Variants in GLI3 observed in about 807,000 individuals in gnomAD.
GLI3 encodes GLI family zinc finger 3.
A neutral mutation model predicts 100.8 loss-of-function variants in GLI3; 20 were observed. That is an observed-to-expected ratio of 0.20 (90% confidence interval 0.14 to 0.29). GLI3 has a LOEUF of 0.29. GLI3 is among the 10% of genes least tolerant of loss of function. The probability of loss-of-function intolerance (pLI) is 1.00; values close to 1 mark genes in which losing one functional copy is unlikely to be tolerated. For synonymous variants in GLI3, 938 were observed against 860.5 expected (o/e 1.09, Z -1.58); for missense variants, 2,040 against 2,128.5 (o/e 0.96, Z 0.82).
intron 2 of GLI3, among the ~76,000 whole-genome samples, chr7:42,162,560 C>G (rs2128794209): frequency 6.6e-6 from 1 of 152,230 alleles, no homozygotes; most frequent in East Asian, 1.9e-4. Context: ...TTGTCTGGGC[C>G]AGTTCTACGA....
At chr7:41,983,966 C>A (rs1014868131) in intron 10 of GLI3, among the ~76,000 whole-genome samples, 1 of 152,148 alleles carries the variant, frequency 6.6e-6, no homozygotes, top group African/African-American at 2.4e-5. Context: ...AAATGAGCCA[C>A]GACTCAGTAT....
intron 2 of GLI3, among the ~76,000 whole-genome samples, chr7:42,157,141 C>T (rs1265543338): frequency 6.6e-6 from 1 of 152,232 alleles, no homozygotes; most frequent in Non-Finnish European, 1.5e-5. Context: ...GGCTCACCTA[C>T]ACTCAATCAG....
intron 3 of GLI3, among the ~76,000 whole-genome samples, chr7:42,107,142 C>A (rs1041875152): frequency 2.6e-5 from 4 of 151,896 alleles, no homozygotes; most frequent in African/African-American, 9.7e-5. Context: ...ACAGCAAGAC[C>A]CTGTCTCTGC....
intron 1 of GLI3, among the ~76,000 whole-genome samples, chr7:42,256,542 C>T (rs1387701425): frequency 2.0e-5 from 3 of 152,136 alleles, no homozygotes; most frequent in Admixed American, 1.3e-4. Context: ...AAAGACTATC[C>T]TTTTCCTTTC....
In GLI3 at chr7:42,010,832, C is replaced by T. The variant is rs377592461; in HGVS notation, c.1497+12636G>A. ...ACTCACTAATGAGTTTAGTGGCCTT[C>T]AATATGTTTTTTAGCCTTGCTAGAC... is the stretch of plus-strand genomic sequence containing the variant. On this transcript the variant is annotated intron_variant, in intron 10 of 14. Transcript: ENST00000395925. Among the ~76,000 whole-genome samples the T allele has an allele frequency of 8.1e-4, 123 of 152,272 alleles. 5 individuals are homozygous for T. The South Asian group carries it at 0.024, about 30-fold the overall frequency.
At chr7:42,064,640 A>C (rs958108245) in intron 4 of GLI3, among the ~76,000 whole-genome samples, 4 of 152,196 alleles carry the variant, frequency 2.6e-5, no homozygotes, top group Admixed American at 1.3e-4. Flanking sequence ...TGCTCAAAGG[A>C]ACTATTCAGC....
rs758757750 is a variant in GLI3 at position 42,025,334 on chromosome 7, G to C, written c.1286C>G (p.Pro429Arg). Residue 429 changes from proline to arginine, a missense_variant, in exon 9 of 15, where the codon CCG becomes CGG. Pro to Arg is a moderately radical substitution (Grantham distance 103, BLOSUM62 -2). Around this residue, in one of 5 missense-constraint regions of GLI3, gnomAD observed 603 missense variants for 690.9 expected, o/e 0.87. Transcript: ENST00000395925. ...SESAVSSTGD[P>R]MHNKRSKIKP... ...GATCTTGGACCTCTTGTTGTGCATC[G>C]GGTCACCAGTGCTGCTCACTGCAGA... 1 of 1,613,886 alleles carries C rather than the reference G, an allele frequency of 6.2e-7. No homozygotes were observed. The highest frequency in any genetic ancestry group is 1.7e-5 in the Admixed American group (1 of 59,994).
chr7:42,205,559 A>G (rs1583646458), intron 2 of GLI3, among the ~76,000 whole-genome samples: 1 of 152,222 alleles, frequency 6.6e-6, no homozygotes, highest in Non-Finnish European at 1.5e-5. Flanking sequence ...CCCACTGTAG[A>G]GAAGCTGGAG....
intron 2 of GLI3, among the ~76,000 whole-genome samples, chr7:42,200,245 T>G (rs144057268): frequency 6.6e-6 from 1 of 152,316 alleles, no homozygotes; most frequent in East Asian, 1.9e-4. Context: ...TTAACAGGAA[T>G]AGTTTGCTCT....
rs3057240 is a variant in GLI3, at chr7:42,101,668, T to TTTTATTTATTTATTTA, written c.368-24827_368-24812dup. The stretch of plus-strand genomic sequence containing the variant: ...TGCTGAATTTCGTTTGCTAGTATCT[T>TTTTATTTATTTATTTA]TTTATTTATTTATTTATTTATTTTA... On this transcript the variant is annotated intron_variant, in intron 3 of 14. Transcript: ENST00000395925. Among the ~76,000 whole-genome samples the TTTTATTTATTTATTTA allele has an allele frequency of 1.9e-3, 287 of 148,058 alleles. 1 individual carries two copies. Among genetic ancestry groups the TTTTATTTATTTATTTA allele is most frequent in the South Asian group, 0.013 (63 of 4,682 alleles).
At chr7:42,160,195 T>C (rs1787099374) in intron 2 of GLI3, among the ~76,000 whole-genome samples, 1 of 152,220 alleles carries the variant, frequency 6.6e-6, no homozygotes, top group African/African-American at 2.4e-5. Context: ...AGCTAGGTAC[T>C]ATCACTAACC....
chr7:42,194,386 C>G (rs2128689696), intron 2 of GLI3, among the ~76,000 whole-genome samples: 1 of 152,314 alleles, frequency 6.6e-6, no homozygotes, highest in South Asian at 2.1e-4. Flanking sequence ...ACTTTTTGCT[C>G]TATCTGCTTT....
rs1255750731 is a variant in GLI3, at chr7:42,048,638, G to T, written c.532C>A (p.Pro178Thr). The T allele has an allele frequency of 6.2e-7, 1 of 1,610,998 alleles. No homozygotes were observed. Among genetic ancestry groups the T allele is most frequent in the Admixed American group, 1.7e-5 (1 of 59,478 alleles). ...YPDLPFIRIS[P>T]HRNPTAASES... ...GAAGCAGCAGTGGGGTTCCGGTGTG[G>T]GGAGATCCTAATGAAGGGCAGGTCC... is the stretch of plus-strand genomic sequence containing the variant. Residue 178 changes from proline (P) to threonine (T), a missense_variant, in exon 5 of 15, where the codon CCA becomes ACA. Transcript: ENST00000395925.
intron 2 of GLI3, among the ~76,000 whole-genome samples, chr7:42,213,392 C>T (rs939442730): frequency 6.6e-6 from 1 of 152,168 alleles, no homozygotes; most frequent in African/African-American, 2.4e-5. Flanking sequence ...TACATTTATT[C>T]CATGGTTGTT....
intron 3 of GLI3, among the ~76,000 whole-genome samples, chr7:42,101,844 C>T (rs1344379563): frequency 4.8e-5 from 5 of 103,334 alleles, no homozygotes; most frequent in East Asian, 2.3e-4. Flanking sequence ...CCCTCTCCCA[C>T]CCCACAACAG....
At chr7:42,156,004 TGA>T (rs1786994339) in intron 2 of GLI3, among the ~76,000 whole-genome samples, 1 of 152,100 alleles carries the variant, frequency 6.6e-6, no homozygotes, top group Non-Finnish European at 1.5e-5. Context: ...TTCTGAACAC[TGA>T]TGACGAGGTC....
intron 12 of GLI3, 59 bp downstream of exon 12, chr7:41,977,499 T>A (rs1583747640): frequency 6.4e-7 from 1 of 1,560,390 alleles, no homozygotes; most frequent in East Asian, 2.2e-5. Flanking sequence ...CCCATGTGCC[T>A]TCCCCGGGAT....
At chr7:42,028,032 G>A (rs569598083) in intron 7 of GLI3, among the ~76,000 whole-genome samples, 2 of 152,284 alleles carry the variant, frequency 1.3e-5, no homozygotes, top group African/African-American at 4.8e-5. Flanking sequence ...TCTAATAGCT[G>A]ATTTCATGTT....
intron 1 of GLI3, among the ~76,000 whole-genome samples, 188 bp downstream of exon 1, chr7:42,236,783 G>A (rs944510599): frequency 1.3e-5 from 2 of 152,224 alleles, no homozygotes; most frequent in Non-Finnish European, 2.9e-5. Context: ...CTTCCAGGAG[G>A]AGGGAGCGAA....
Sources: allele counts gnomAD v4.1 joint callset (sites outside exome capture counted in the v4.1 genomes callset), GRCh38; gene constraint gnomAD v4.1.1; regional missense constraint gnomAD v4.1.1; transcripts MANE v1.5; gene names NCBI Gene and HGNC (gene_info 2026-07-23, HGNC 2026-07-21).